PPP2R2B: variants seen among roughly 807,000 people sequenced by gnomAD.
PPP2R2B encodes the protein protein phosphatase 2 regulatory subunit Bbeta.
In PPP2R2B, 5 loss-of-function variants were observed where a neutral mutation model predicts 46.0. The observed-to-expected ratio is 0.11, with a 90% CI of 0.06 to 0.23. PPP2R2B has a LOEUF of 0.23. Ranked by LOEUF, PPP2R2B falls within the 10% of genes least tolerant of loss-of-function variation. The pLI, the probability that PPP2R2B is intolerant of heterozygous loss-of-function variation, is 1.00. For synonymous variants in PPP2R2B, 215 were observed against 206.7 expected, an observed-to-expected ratio of 1.04 and a Z score of -0.34; for missense variants, 367 against 575.0, an observed-to-expected ratio of 0.64 and a Z score of 3.70.
chr5:146,835,551 G>T (rs548434159), intron 2 of PPP2R2B, among the ~76,000 whole-genome samples: 1 of 152,180 alleles, frequency 6.6e-6, no homozygotes, highest in Admixed American at 6.5e-5. Context: ...TTTTCCTCAG[G>T]TTTGCCAGTC....
intron 2 of PPP2R2B, among the ~76,000 whole-genome samples, chr5:146,787,506 T>C (rs1292595060): frequency 6.6e-6 from 1 of 151,994 alleles, no homozygotes; most frequent in Non-Finnish European, 1.5e-5. Flanking sequence ...TCCTCTCTTT[T>C]CTCTTCTCTC....
chr5:146,656,382 C>CTT (rs567057677), intron 5 of PPP2R2B: 29 of 144,812 alleles, frequency 2.0e-4, no homozygotes, highest in African/African-American at 5.3e-4. Context: ...TAGCAAAGAG[C>CTT]TTTTTTTTTT....
intron 2 of PPP2R2B, among the ~76,000 whole-genome samples, chr5:146,782,823 A>G (rs1755613143): frequency 6.6e-6 from 1 of 150,768 alleles, no homozygotes. Context: ...AAACAGAAGA[A>G]AGAAGGAAAA....
intron 2 of PPP2R2B, among the ~76,000 whole-genome samples, chr5:146,775,097 AC>A (rs2151275041): frequency 6.6e-6 from 1 of 152,294 alleles, no homozygotes; most frequent in South Asian, 2.1e-4. Flanking sequence ...TTTCAAAAAA[AC>A]GAAAACAAAA....
chr5:146,954,185 C>T (rs763711871), intron 1 of PPP2R2B, among the ~76,000 whole-genome samples: 19 of 151,244 alleles, frequency 1.3e-4, no homozygotes, highest in African/African-American at 2.7e-4. Flanking sequence ...CTCCCTCCTC[C>T]GAACCTCACT....
At chr5:146,981,171 C>A (rs1473259190) in intron 1 of PPP2R2B, among the ~76,000 whole-genome samples, 1 of 152,102 alleles carries the variant, frequency 6.6e-6, no homozygotes, top group African/African-American at 2.4e-5. Flanking sequence ...ATAGCAGGCA[C>A]TCTACAAATA....
intron 2 of PPP2R2B, among the ~76,000 whole-genome samples, chr5:146,838,770 C>T (rs551409605): frequency 1.3e-5 from 2 of 152,142 alleles, no homozygotes; most frequent in African/African-American, 4.8e-5. Context: ...TAAATAGTTC[C>T]TCATATATTA....
intron 2 of PPP2R2B, among the ~76,000 whole-genome samples, chr5:146,711,656 A>C (rs1026628714): frequency 6.6e-6 from 1 of 152,174 alleles, no homozygotes; most frequent in Non-Finnish European, 1.5e-5. Context: ...TGGATGAGCA[A>C]ATACATCTGA....
At chr5:147,025,947 T>C (rs1196202145) in intron 1 of PPP2R2B, among the ~76,000 whole-genome samples, 1 of 152,108 alleles carries the variant, frequency 6.6e-6, no homozygotes, top group African/African-American at 2.4e-5. Context: ...ATACTCTTAG[T>C]AGAATGAATA....
chr5:146,872,852 A>G (rs1453649126), intron 2 of PPP2R2B, among the ~76,000 whole-genome samples: 1 of 152,174 alleles, frequency 6.6e-6, no homozygotes, highest in African/African-American at 2.4e-5. Context: ...CTTCATACCA[A>G]GCCAAGATCC....
intron 2 of PPP2R2B, among the ~76,000 whole-genome samples, chr5:146,728,334 C>A (rs909531755): frequency 6.6e-6 from 1 of 151,908 alleles, no homozygotes; most frequent in Non-Finnish European, 1.5e-5. Flanking sequence ...TTAAATAAGA[C>A]CTTTTCCCCA....
intron 6 of PPP2R2B, among the ~76,000 whole-genome samples, chr5:146,644,649 C>T (rs1775458333): frequency 6.6e-6 from 1 of 152,182 alleles, no homozygotes; most frequent in African/African-American, 2.4e-5. Flanking sequence ...AGTTTTGATT[C>T]TATCTCCATT....
chr5:146,833,350 T>A (rs249900), intron 2 of PPP2R2B, among the ~76,000 whole-genome samples: 19,683 of 152,100 alleles, frequency 0.13, 1,484 homozygotes, highest in African/African-American at 0.2. Context: ...TACTAATAAT[T>A]TCATTGTCAT....
At chr5:146,823,028 A>G (rs1758362466) in intron 2 of PPP2R2B, among the ~76,000 whole-genome samples, 1 of 152,174 alleles carries the variant, frequency 6.6e-6, no homozygotes, top group Non-Finnish European at 1.5e-5. Context: ...GTCTTTTGGC[A>G]AAAGGGACTG....
intron 1 of PPP2R2B, among the ~76,000 whole-genome samples, chr5:146,985,687 T>C (rs888816408): frequency 1.2e-4 from 19 of 152,286 alleles, no homozygotes; most frequent in African/African-American, 3.8e-4. Flanking sequence ...CTCTCACCAC[T>C]TATTATTCAA....
chr5:146,863,633 CATCCATCT>C (rs1049543787), intron 2 of PPP2R2B, among the ~76,000 whole-genome samples: 1 of 149,168 alleles, frequency 6.7e-6, no homozygotes, highest in African/African-American at 2.5e-5. Flanking sequence ...ACTGCCCATC[CATCCATCT>C]ATCCATCCAT....
intron 2 of PPP2R2B, among the ~76,000 whole-genome samples, chr5:146,750,939 A>C (rs1753518693): frequency 6.6e-6 from 1 of 152,182 alleles, no homozygotes; most frequent in Admixed American, 6.5e-5. Context: ...CTCCAGCTGG[A>C]GCAGCAGAGA....
intron 1 of PPP2R2B, among the ~76,000 whole-genome samples, chr5:146,891,515 A>G (rs1004755648): frequency 6.6e-6 from 1 of 152,194 alleles, no homozygotes; most frequent in Non-Finnish European, 1.5e-5. Context: ...AGTTAACTCA[A>G]AGACATGGTT....
chr5:146,905,394 G>T (rs1270522553), intron 1 of PPP2R2B, among the ~76,000 whole-genome samples: 3 of 152,074 alleles, frequency 2.0e-5, no homozygotes, highest in Non-Finnish European at 2.9e-5. Flanking sequence ...TCTTAAGTTT[G>T]AAATTTTTAA....
Sources: allele counts gnomAD v4.1 joint callset (sites outside exome capture counted in the v4.1 genomes callset), GRCh38; gene constraint gnomAD v4.1.1; transcripts MANE v1.5; gene names NCBI Gene and HGNC (gene_info 2026-07-23, HGNC 2026-07-21).